Variants in CHD1L observed in about 807,000 individuals in gnomAD.
The protein encoded by CHD1L is ATP-dependent chromatin remodeler CHD1L.
CHD1L carries 118 observed loss-of-function variants against 115.9 expected under a neutral mutation model. The ratio of observed to expected loss-of-function variants is 1.02; its 90% CI spans 0.88 to 1.19. The LOEUF (loss-of-function observed/expected upper bound fraction) is 1.19. Among genes scored for constraint, CHD1L ranks in the 50% most tolerant of loss-of-function variants. The pLI, the probability that CHD1L is intolerant of heterozygous loss-of-function variation, is 0.00. For synonymous variants in CHD1L, 411 were observed against 387.1 expected (o/e 1.06, Z -0.72); for missense variants, 1,179 against 1,065.3 (o/e 1.11, Z -1.49).
chr1:147,294,060 A>G (rs587727090), intron 21 of CHD1L, among the ~76,000 whole-genome samples: 1 of 152,314 alleles, frequency 6.6e-6, no homozygotes, highest in South Asian at 2.1e-4. Context: ...CACAGTTCCC[A>G]ATAACAGACA....
the CHD1L span, chr1:147,209,781 C>T: frequency 6.6e-6 from 1 of 152,184 alleles, no homozygotes; most frequent in Non-Finnish European, 1.5e-5. Context: ...GCACTTATCA[C>T]CTGTAGAACT....
At chr1:147,251,670 C>T (rs1571646184) in intron 1 of CHD1L, among the ~76,000 whole-genome samples, 1 of 151,904 alleles carries the variant, frequency 6.6e-6, no homozygotes, top group South Asian at 2.1e-4. Context: ...GCTAGGATTA[C>T]AGGTGCCCGC....
chr1:147,222,661 A>C, the CHD1L span, among the ~76,000 whole-genome samples: 1 of 152,230 alleles, frequency 6.6e-6, no homozygotes, highest in Non-Finnish European at 1.5e-5. Context: ...GTTGGAACAG[A>C]AGTCAGAGCG....
chr1:147,275,474 T>G lies in CHD1L; in HGVS notation c.1385+6T>G. ...CATCGCATTGGCCAAAACAAGTAAGTGATTTTTTTCTGCTTCCTTGGCTTG... is the reference window on the plus strand; with the variant it reads ...CATCGCATTGGCCAAAACAAGTAAGGGATTTTTTTCTGCTTCCTTGGCTTG... On this transcript the variant is annotated splice_donor_region_variant and intron_variant, in intron 13 of 22. Transcript: ENST00000369258. The G allele has an allele frequency of 6.2e-7, 1 of 1,609,864 alleles. No individual in the cohort carries two copies. The highest frequency in any genetic ancestry group is 8.5e-7 in the Non-Finnish European group (1 of 1,176,146).
rs114329559 is a variant in CHD1L, at chr1:147,295,411, T to G, written c.2616-20T>G. 1.4e-3 allele frequency: 2,154 copies of G among 1,562,872 alleles called. 24 individuals are homozygous for G. In the African/African-American group the frequency reaches 0.025, roughly 18 times the overall value. ...TGGTTTAAAGTGATGACATGTATCT[T>G]CCTTGACCATCCTTATCAGATATTA... On this transcript the variant is annotated intron_variant, in intron 22 of 22. Transcript: ENST00000369258.
At chr1:147,176,590 A>G in the CHD1L span, among the ~76,000 whole-genome samples, 5 of 152,210 alleles carry the variant, frequency 3.3e-5, no homozygotes, top group Non-Finnish European at 5.9e-5. Context: ...CTCTAAGGAA[A>G]CTACTACAAC....
chr1:147,174,384 C>T, the CHD1L span: 2 of 152,184 alleles, frequency 1.3e-5, no homozygotes, highest in African/African-American at 4.8e-5. Flanking sequence ...GTGGTTTCAC[C>T]ATGCCAAATA....
chr1:147,243,832 T>C (rs1665719990), intron 1 of CHD1L, among the ~76,000 whole-genome samples: 2 of 152,202 alleles, frequency 1.3e-5, no homozygotes, highest in Non-Finnish European at 2.9e-5. Flanking sequence ...CATTTAAAAG[T>C]ATAAACTAAT....
chr1:147,266,162 C>A, intron 8 of CHD1L, 75 bp downstream of exon 8: 1 of 1,369,396 alleles, frequency 7.3e-7, no homozygotes, highest in Non-Finnish European at 1.0e-6. Context: ...TTTATAATCA[C>A]ACTCATTTGT....
upstream of CHD1L, chr1:147,242,542 G>A (rs1665022953): frequency 1.0e-5 from 7 of 697,820 alleles, 1 homozygote; most frequent in South Asian, 3.8e-4. Flanking sequence ...GTCCGGAAGG[G>A]TGACTGCACC....
intron 19 of CHD1L, among the ~76,000 whole-genome samples, chr1:147,289,780 T>G (rs1423031660): frequency 2.0e-5 from 3 of 152,154 alleles, no homozygotes; most frequent in Non-Finnish European, 4.4e-5. Flanking sequence ...GCCTGTTCCT[T>G]TGTGTGGAGG....
rs1444778649 is a variant in CHD1L at position 147,275,486 on chromosome 1, G to A, written c.1385+18G>A. ...CAAAACAAGTAAGTGATTTTTTTCT[G>A]CTTCCTTGGCTTGCCCAGCAGCAGT... On this transcript the variant is annotated intron_variant, in intron 13 of 22. Transcript: ENST00000369258. The A allele has an allele frequency of 6.3e-7, 1 of 1,581,188 alleles. No homozygotes were observed. Among genetic ancestry groups the A allele is most frequent in the Non-Finnish European group, 8.7e-7 (1 of 1,150,190 alleles).
intron 6 of CHD1L, among the ~76,000 whole-genome samples, chr1:147,262,235 A>G (rs1304423064): frequency 1.3e-5 from 2 of 151,886 alleles, no homozygotes; most frequent in Non-Finnish European, 2.9e-5. Flanking sequence ...ACCTAAATGT[A>G]AAATATAGGG....
chr1:147,254,440 C>T lies in CHD1L; in HGVS notation c.241-430C>T, dbSNP rs190714524. 9.2e-5 allele frequency among the ~76,000 whole-genome samples: 14 copies of T among 152,250 alleles called. No homozygotes were observed. The East Asian group carries it at 2.3e-3, about 25-fold the overall frequency. On this transcript the variant is annotated intron_variant, in intron 2 of 22. Coordinates refer to ENST00000369258, the MANE Select transcript of CHD1L (RefSeq NM_004284.6). ...AGGAAGGAAAGCATCCTCCCTCACTCGGGAAAGCCTGGCAGGCAGCAGAGG... is the reference window on the plus strand; with the variant it reads ...AGGAAGGAAAGCATCCTCCCTCACTTGGGAAAGCCTGGCAGGCAGCAGAGG...
At chr1:147,200,952 A>G in the CHD1L span, among the ~76,000 whole-genome samples, 1 of 152,180 alleles carries the variant, frequency 6.6e-6, no homozygotes, top group Non-Finnish European at 1.5e-5. Context: ...ATAGCTTGGA[A>G]AAATTTCCCA....
chr1:147,268,150 C>T (rs1553949965), intron 9 of CHD1L, among the ~76,000 whole-genome samples: 2 of 152,172 alleles, frequency 1.3e-5, no homozygotes, highest in African/African-American at 2.4e-5. Flanking sequence ...GTTGCTTCCC[C>T]TTCATCATAC....
At chr1:147,258,072 T>C (rs1401409068) in intron 5 of CHD1L, among the ~76,000 whole-genome samples, 5 of 152,180 alleles carry the variant, frequency 3.3e-5, no homozygotes, top group African/African-American at 4.8e-5. Flanking sequence ...TTGTACATTC[T>C]GAGAATAGCA....
At chr1:147,271,447 C>A (rs1165868102) in intron 11 of CHD1L, among the ~76,000 whole-genome samples, 1 of 152,050 alleles carries the variant, frequency 6.6e-6, no homozygotes, top group African/African-American at 2.4e-5. Flanking sequence ...TCTGCATAGA[C>A]AATAAAGAAT....
chr1:147,252,645 G>C lies in CHD1L; in HGVS notation c.150G>C (p.Gln50His), dbSNP rs1471983424. The change falls in exon 2 of 23, where the codon CAG (glutamine) becomes CAC (histidine). Residue 50 changes from glutamine (Q) to histidine (H), a missense_variant. Physicochemically the swap from Gln to His is conservative, Grantham distance 24 (BLOSUM62 0). Transcript: ENST00000369258. ...TAGGGATTCACCTACGCTCTTACCA[G>C]CTGGAGGGAGTAAACTGGCTCGCCC... is the stretch of plus-strand genomic sequence containing the variant. ...GLTGIHLRSY[Q>H]LEGVNWLAQR... 1 of 1,613,952 alleles carries C rather than the reference G, an allele frequency of 6.2e-7. No homozygotes were observed. The highest frequency in any genetic ancestry group is 1.3e-5 in the African/African-American group (1 of 74,928).
Sources: allele counts gnomAD v4.1 joint callset (sites outside exome capture counted in the v4.1 genomes callset), GRCh38; gene constraint gnomAD v4.1.1; transcripts MANE v1.5; gene names NCBI Gene and HGNC (gene_info 2026-07-23, HGNC 2026-07-21).